The following ITFG1 variants were observed in gnomAD, a reference collection of about 807,000 sequenced individuals.
The protein encoded by ITFG1 is T-cell immunomodulatory protein.
In ITFG1, 34 loss-of-function variants were observed where a neutral mutation model predicts 81.8. That is an observed-to-expected ratio of 0.42 (90% CI 0.32 to 0.55). The LOEUF (loss-of-function observed/expected upper bound fraction) is 0.55, where lower values mean the gene tolerates loss of function less well. ITFG1 is among the 20% of genes least tolerant of loss of function. The pLI is 0.17. For missense variants in ITFG1, 672 were observed against 755.4 expected (o/e 0.89, Z 1.29); for synonymous variants, 285 against 270.6 (o/e 1.05, Z -0.52).
At chr16:47,452,848 T>C in intron 3 of ITFG1, 58 bp from the exon 4 acceptor site, 1 of 883,602 alleles carries the variant, frequency 1.1e-6, no homozygotes, top group Non-Finnish European at 1.7e-6. Flanking sequence ...ACTTTTGATA[T>C]CTATGCTTAG....
At chr16:47,279,198 G>C (rs1966428335) in intron 10 of ITFG1, among the ~76,000 whole-genome samples, 1 of 152,108 alleles carries the variant, frequency 6.6e-6, no homozygotes, top group African/African-American at 2.4e-5. Flanking sequence ...TCATGGCTAA[G>C]AGCTCTTCAA....
intron 5 of ITFG1, among the ~76,000 whole-genome samples, 183 bp downstream of exon 5, chr16:47,451,213 G>A (rs1445397977): frequency 1.3e-5 from 2 of 152,166 alleles, no homozygotes; most frequent in Non-Finnish European, 2.9e-5. Context: ...AAAGGAGTAA[G>A]CTGGCCCTTG....
At chr16:47,239,881 T>G (rs189587445) in intron 12 of ITFG1, among the ~76,000 whole-genome samples, 2 of 152,342 alleles carry the variant, frequency 1.3e-5, no homozygotes, top group Non-Finnish European at 2.9e-5. Context: ...CCACAGTTAC[T>G]GATGCACACA....
chr16:47,297,801 T>C (rs140871941), intron 10 of ITFG1, among the ~76,000 whole-genome samples: 1 of 152,326 alleles, frequency 6.6e-6, no homozygotes, highest in Non-Finnish European at 1.5e-5. Context: ...TTGATGACTA[T>C]ATTTCTTGGT....
chr16:47,316,394 G>C (rs769791506), intron 8 of ITFG1, among the ~76,000 whole-genome samples: 1 of 151,728 alleles, frequency 6.6e-6, no homozygotes, highest in Non-Finnish European at 1.5e-5. Flanking sequence ...AATTTTTTTC[G>C]GAACCATGTA....
At position 47,258,653 on chromosome 16, in the gene ITFG1, C is replaced by A. The variant is rs1250678476; in HGVS notation, c.1309G>T (p.Ala437Ser). ...HTLKNNFEADAYFVKVIVLSG... is the reference protein window; with the variant it reads ...HTLKNNFEADSYFVKVIVLSG... ...TCACCAATAACTTTAACAAAATAAG[C>A]ATCTGCTTCAAAGTTATTTTTTAGT... is the stretch of plus-strand genomic sequence containing the variant. The change falls in exon 12 of 18, where the codon GCT becomes TCT. Residue 437 changes from alanine (A) to serine (S), a missense_variant. Coordinates refer to ENST00000320640, the MANE Select transcript of ITFG1 (RefSeq NM_030790.5). The A allele has an allele frequency of 6.8e-6, 10 of 1,464,616 alleles. No homozygotes were observed. Among genetic ancestry groups the A allele is most frequent in the Non-Finnish European group, 8.5e-6 (9 of 1,056,338 alleles). The allele number at this position is 1,464,616 out of a possible 1,614,324, so 90.7% of individuals were successfully genotyped here. A position where few individuals can be genotyped will look rare whatever the true frequency, so the allele number is the denominator to read the frequency against.
At chr16:47,240,693 T>C (rs1965923327) in intron 12 of ITFG1, among the ~76,000 whole-genome samples, 1 of 152,126 alleles carries the variant, frequency 6.6e-6, no homozygotes, top group Non-Finnish European at 1.5e-5. Flanking sequence ...GGTAAATACA[T>C]AAAATGGAGT....
chr16:47,280,830 G>A (rs778714889), intron 10 of ITFG1, among the ~76,000 whole-genome samples: 5 of 152,122 alleles, frequency 3.3e-5, no homozygotes, highest in South Asian at 2.1e-4. Flanking sequence ...TCATGCCTAC[G>A]TAATGAAGCC....
At chr16:47,270,855 A>G (rs1966331572) in intron 10 of ITFG1, among the ~76,000 whole-genome samples, 1 of 150,764 alleles carries the variant, frequency 6.6e-6, no homozygotes, top group Admixed American at 6.6e-5. Flanking sequence ...AGAAAATGCA[A>G]TCTAATCTAC....
chr16:47,390,766 G>A (rs1335046648), intron 6 of ITFG1, among the ~76,000 whole-genome samples: 1 of 152,026 alleles, frequency 6.6e-6, no homozygotes, highest in Non-Finnish European at 1.5e-5. Context: ...GGCCAATAAT[G>A]CTTATTAACA....
chr16:47,321,629 C>T, intron 8 of ITFG1, among the ~76,000 whole-genome samples: 1 of 152,106 alleles, frequency 6.6e-6, no homozygotes, highest in East Asian at 1.9e-4. Flanking sequence ...TTGGAGGCTG[C>T]AGAGTACTAT....
intron 5 of ITFG1, among the ~76,000 whole-genome samples, chr16:47,441,560 C>A (rs573018982): frequency 1.3e-5 from 2 of 152,288 alleles, no homozygotes; most frequent in Admixed American, 1.3e-4. Flanking sequence ...AGCATATAAA[C>A]AGAACCAAAG....
At chr16:47,315,363 C>T (rs1967337281) in intron 8 of ITFG1, among the ~76,000 whole-genome samples, 1 of 150,684 alleles carries the variant, frequency 6.6e-6, no homozygotes, top group Non-Finnish European at 1.5e-5. Context: ...AGAACTAATA[C>T]AAAAATGTGA....
chr16:47,440,926 T>C (rs1969240130), intron 5 of ITFG1, among the ~76,000 whole-genome samples: 1 of 151,748 alleles, frequency 6.6e-6, no homozygotes, highest in South Asian at 2.1e-4. Flanking sequence ...TCAACAAAAC[T>C]GATAGACCGC....
At chr16:47,274,559 T>C (rs530164906) in intron 10 of ITFG1, among the ~76,000 whole-genome samples, 1 of 152,312 alleles carries the variant, frequency 6.6e-6, no homozygotes, top group East Asian at 1.9e-4. Flanking sequence ...TTCAGGTTAC[T>C]GTTGGCCTTA....
At chr16:47,377,504 T>C (rs1968341885) in intron 6 of ITFG1, among the ~76,000 whole-genome samples, 1 of 152,202 alleles carries the variant, frequency 6.6e-6, no homozygotes, top group African/African-American at 2.4e-5. Flanking sequence ...AGAAGATTGT[T>C]TTCAGACAGA....
At chr16:47,156,846 G>A (rs1179233716) in intron 17 of ITFG1, among the ~76,000 whole-genome samples, 5 of 152,184 alleles carry the variant, frequency 3.3e-5, no homozygotes, top group African/African-American at 1.2e-4. Context: ...TGCAGGCCAG[G>A]CCAAGGATTT....
At chr16:47,205,497 ACTC>A (rs1286443562) in intron 14 of ITFG1, among the ~76,000 whole-genome samples, 2 of 151,928 alleles carry the variant, frequency 1.3e-5, no homozygotes, top group African/African-American at 2.4e-5. Context: ...GGGGGTAAAA[ACTC>A]CTCATTTCCT....
chr16:47,193,592 G>A (rs1965319281), intron 14 of ITFG1, among the ~76,000 whole-genome samples: 1 of 152,174 alleles, frequency 6.6e-6, no homozygotes. Flanking sequence ...TACTAGGGAG[G>A]CTGCAGTGGG....
Sources: gnomAD v4.1 joint callset for allele counts (sites outside exome capture counted in the v4.1 genomes callset) on GRCh38, gnomAD v4.1.1 for gene constraint, MANE v1.5 for transcripts, NCBI Gene and HGNC (gene_info 2026-07-23, HGNC 2026-07-21) for gene names.